Variants in LRP2 observed in about 807,000 individuals in gnomAD.
LRP2 encodes low-density lipoprotein receptor-related protein 2.
In LRP2, 172 loss-of-function variants were observed where a neutral mutation model predicts 531.0. The observed-to-expected ratio is 0.32, with a 90% CI of 0.29 to 0.37. The LOEUF is 0.37. Ranked by LOEUF, LRP2 falls within the 10% of genes least tolerant of loss-of-function variation. LRP2 has a pLI of 1.00. For synonymous variants in LRP2, 1,992 were observed against 2,027.6 expected (o/e 0.98, Z 0.47); for missense variants, 5,167 against 5,868.3 (o/e 0.88, Z 3.90).
At chr2:169,232,495 C>T (rs933979611) in intron 30 of LRP2, among the ~76,000 whole-genome samples, 6 of 151,846 alleles carry the variant, frequency 4.0e-5, no homozygotes, top group Non-Finnish European at 8.8e-5. Flanking sequence ...GCACTGGGGA[C>T]GCTATAAAAG....
intron 16 of LRP2, among the ~76,000 whole-genome samples, chr2:169,262,934 T>C (rs1157903901): frequency 6.6e-6 from 1 of 151,942 alleles, no homozygotes; most frequent in Non-Finnish European, 1.5e-5. Flanking sequence ...CCCTCAGAAA[T>C]AACGCCGTAT....
At position 169,356,092 on chromosome 2, in the gene LRP2, A is replaced by G. The variant is rs830944; in HGVS notation, c.79+6229T>C. On this transcript the variant is annotated intron_variant, in intron 1 of 78. Transcript: ENST00000649046. Reference sequence around the variant, plus strand: ...TTTTTTGTAGAGATGGAGTCTCACTATGTTGCCCAGGCTGGTCTCAAACTC... The same window carrying G: ...TTTTTTGTAGAGATGGAGTCTCACTGTGTTGCCCAGGCTGGTCTCAAACTC... 6.1e-3 allele frequency among the ~76,000 whole-genome samples: 927 copies of G among 152,164 alleles called. 7 individuals are homozygous for G. Among genetic ancestry groups the G allele is most frequent in the South Asian group, 0.03 (145 of 4,826 alleles).
chr2:169,143,486 C>CAA (rs201715179), intron 70 of LRP2, among the ~76,000 whole-genome samples: 522 of 148,982 alleles, frequency 3.5e-3, no homozygotes, highest in African/African-American at 0.01. Flanking sequence ...ACTAAAAATA[C>CAA]AAAAAAAAAA....
chr2:169,182,569 T>C, intron 50 of LRP2: 1 of 1,359,220 alleles, frequency 7.4e-7, no homozygotes, highest in Non-Finnish European at 9.5e-7. Flanking sequence ...GGGGACACAC[T>C]TCATTCGACG....
chr2:169,211,084 AC>A (rs755001399), intron 37 of LRP2, among the ~76,000 whole-genome samples: 5 of 152,194 alleles, frequency 3.3e-5, no homozygotes, highest in Non-Finnish European at 5.9e-5. Context: ...TAGATCCATA[AC>A]TTTTTAGATA....
intron 1 of LRP2, among the ~76,000 whole-genome samples, chr2:169,339,339 AAAC>A (rs1416414946): frequency 6.6e-6 from 1 of 152,164 alleles, no homozygotes; most frequent in East Asian, 1.9e-4. Context: ...AAGATTCACA[AAAC>A]AACAACATAT....
chr2:169,141,829 G>A (rs1476735527), intron 71 of LRP2, among the ~76,000 whole-genome samples: 7 of 152,212 alleles, frequency 4.6e-5, no homozygotes, highest in Admixed American at 6.5e-5. Flanking sequence ...TGGGATGAGT[G>A]CAAGAGTAGG....
chr2:169,203,115 T>A (rs2105327963), intron 42 of LRP2, among the ~76,000 whole-genome samples, 156 bp from the exon 43 acceptor site: 1 of 152,248 alleles, frequency 6.6e-6, no homozygotes, highest in African/African-American at 2.4e-5. Context: ...ATATTCTGAG[T>A]CACTTTTCCA....
chr2:169,157,957 T>TAAATAAATAAAAAAAA (rs568534822), intron 63 of LRP2, among the ~76,000 whole-genome samples: 1 of 145,974 alleles, frequency 6.9e-6, no homozygotes, highest in East Asian at 2.1e-4. Context: ...AATAAATAAA[T>TAAATAAATAAAAAAAA]AAAAGACATG....
chr2:169,282,907 C>G lies in LRP2; in HGVS notation c.1137G>C (p.Leu379Phe). ...TAGCTTTGCAATACTGTCCACGCTC[C>G]AAGATATACCCTTCTTCACAGTGGC... ...HLCHCEEGYI[L>F]ERGQYCKAND... The change falls in exon 10 of 79, where the codon TTG (leucine) becomes TTC (phenylalanine). Residue 379 changes from leucine (L) to phenylalanine (F), a missense_variant. Leu to Phe is a conservative substitution (Grantham distance 22). This residue lies in a region of LRP2 where 2,811 missense variants were observed against 3,058.0 expected (regional missense o/e 0.92). Coordinates refer to ENST00000649046, the MANE Select transcript of LRP2 (RefSeq NM_004525.3). 1 of 1,614,102 alleles carries G rather than the reference C, an allele frequency of 6.2e-7. No individual in the cohort carries two copies. The highest frequency in any genetic ancestry group is 8.5e-7 in the Non-Finnish European group (1 of 1,179,952).
chr2:169,225,236 G>T, intron 33 of LRP2, 74 bp downstream of exon 33: 1 of 1,464,746 alleles, frequency 6.8e-7, no homozygotes, highest in Non-Finnish European at 9.5e-7. Flanking sequence ...ATCCACGTGA[G>T]ATCTATTCCT....
At chr2:169,142,853 G>A (rs199702775) in intron 70 of LRP2, 60 bp from the exon 71 acceptor site, 5 of 1,602,686 alleles carry the variant, frequency 3.1e-6, no homozygotes, top group Non-Finnish European at 4.3e-6. Flanking sequence ...TGAATACCCA[G>A]CAACTGGAAG....
chr2:169,267,321 C>T (rs12993779), intron 16 of LRP2, among the ~76,000 whole-genome samples: 9,423 of 152,086 alleles, frequency 0.062, 354 homozygotes, highest in African/African-American at 0.11. Flanking sequence ...AGCACCACAT[C>T]GCACTTATTC....
At chr2:169,360,698 G>A (rs1451759827) in intron 1 of LRP2, among the ~76,000 whole-genome samples, 2 of 152,106 alleles carry the variant, frequency 1.3e-5, no homozygotes, top group African/African-American at 4.8e-5. Flanking sequence ...CTCTTTCTGC[G>A]TTACCAACAC....
In LRP2 at chr2:169,181,468, A is replaced by T; in HGVS notation, c.10149T>A (p.Asp3383Glu). 1 of 1,614,212 alleles carries T rather than the reference A, an allele frequency of 6.2e-7. No individual in the cohort carries two copies. Among genetic ancestry groups the T allele is most frequent in the Non-Finnish European group, 8.5e-7 (1 of 1,179,994 alleles). ...CGTACTCTATGTAACCCAGGTGGGC[A>T]TCTGCCCAGTAGAGTAGATCATTGG... The part of the protein sequence containing the change: ...DYTNDLLYWA[D>E]AHLGYIEYSD... Residue 3383 changes from aspartate to glutamate, a missense_variant, in exon 52 of 79, where the codon GAT becomes GAA. Transcript: ENST00000649046.
chr2:169,165,634 G>T (rs1686753238), intron 62 of LRP2, among the ~76,000 whole-genome samples: 1 of 152,168 alleles, frequency 6.6e-6, no homozygotes, highest in Admixed American at 6.5e-5. Flanking sequence ...AGTATTTAGT[G>T]TTTGTTCTCA....
intron 68 of LRP2, among the ~76,000 whole-genome samples, chr2:169,147,399 T>C (rs1685956224): frequency 6.6e-6 from 1 of 152,104 alleles, no homozygotes; most frequent in African/African-American, 2.4e-5. Flanking sequence ...CATAGCTCAC[T>C]ACACTCCTGG....
In LRP2 at chr2:169,190,511, A is replaced by G. The variant is rs1049726297; in HGVS notation, c.9032+1321T>C. On this transcript the variant is annotated intron_variant, in intron 48 of 78. Transcript: ENST00000649046. ...CAATCGTACACCACACTGGACTCCA[A>G]CGGTACATTAGCGCCTGTTGATGAG... is the stretch of plus-strand genomic sequence containing the variant. Among the ~76,000 whole-genome samples the G allele has an allele frequency of 7.2e-5, 11 of 152,278 alleles. No homozygotes were observed. In the South Asian group the frequency reaches 8.3e-4, roughly 11 times the overall value.
At chr2:169,267,388 A>G (rs1321947772) in intron 16 of LRP2, among the ~76,000 whole-genome samples, 1 of 152,166 alleles carries the variant, frequency 6.6e-6, no homozygotes, top group Non-Finnish European at 1.5e-5. Context: ...AAAAGAACAG[A>G]AATTATAACA....
Sources: allele counts gnomAD v4.1 joint callset (sites outside exome capture counted in the v4.1 genomes callset), GRCh38; gene constraint gnomAD v4.1.1; regional missense constraint gnomAD v4.1.1; transcripts MANE v1.5; gene names NCBI Gene and HGNC (gene_info 2026-07-23, HGNC 2026-07-21).